The following CALN1 variants were observed in gnomAD, a reference collection of about 807,000 sequenced individuals.
The protein encoded by CALN1 is calneuron 1.
Under a neutral mutation model 30.6 loss-of-function variants are expected in CALN1, and 17 were observed. The ratio of observed to expected loss-of-function variants is 0.56; its 90% confidence interval spans 0.38 to 0.83. The LOEUF (loss-of-function observed/expected upper bound fraction) is 0.83, where lower values mean the gene tolerates loss of function less well. Among genes scored for constraint, CALN1 ranks in the 40% least tolerant of loss-of-function variants. The pLI is 0.00. For missense variants in CALN1, 291 were observed against 354.9 expected, an observed-to-expected ratio of 0.82 and a Z score of 1.45; for synonymous variants, 156 against 131.4, an observed-to-expected ratio of 1.19 and a Z score of -1.28.
At chr7:71,984,611 C>T (rs1798567552) in intron 5 of CALN1, among the ~76,000 whole-genome samples, 1 of 152,142 alleles carries the variant, frequency 6.6e-6, no homozygotes, top group Admixed American at 6.5e-5. Context: ...AATCCTGCCC[C>T]ACCATGTGAA....
intron 3 of CALN1, among the ~76,000 whole-genome samples, chr7:72,119,504 T>A (rs891518186): frequency 7.0e-6 from 1 of 143,326 alleles, no homozygotes; most frequent in Non-Finnish European, 1.5e-5. Context: ...TTGCATTATA[T>A]GGTAAAAGAA....
At chr7:72,281,122 C>T (rs1428652912) in intron 2 of CALN1, among the ~76,000 whole-genome samples, 8 of 151,072 alleles carry the variant, frequency 5.3e-5, no homozygotes, top group African/African-American at 2.0e-4. Context: ...CCAGCCTGGG[C>T]AACAAGAGCG....
rs985242177 is a variant in CALN1 at position 72,037,182 on chromosome 7, G to A, written c.389-13413C>T. Among the ~76,000 whole-genome samples, 7 of 151,186 alleles carry A rather than the reference G, an allele frequency of 4.6e-5. No homozygotes were observed. In the East Asian group the frequency reaches 5.9e-4, roughly 13 times the overall value. On this transcript the variant is annotated intron_variant, in intron 4 of 6. Transcript: ENST00000395275. The stretch of plus-strand genomic sequence containing the variant: ...TTTTTTTTTTTTGAGACGCAGTCTC[G>A]CACTGTCACCCAGGCTGGAGTGCAA...
intron 1 of CALN1, among the ~76,000 whole-genome samples, chr7:72,408,546 A>G (rs1356102130): frequency 6.6e-6 from 1 of 152,146 alleles, no homozygotes; most frequent in Non-Finnish European, 1.5e-5. Context: ...GACAAAACCA[A>G]CAAGGCCCTG....
intron 3 of CALN1, among the ~76,000 whole-genome samples, chr7:72,248,831 T>TC (rs71531797): frequency 1.3e-5 from 2 of 152,022 alleles, no homozygotes; most frequent in Admixed American, 6.6e-5. Flanking sequence ...ATTTTTTTTT[T>TC]CAAAAATATA....
At chr7:72,216,864 G>C (rs373942571) in intron 3 of CALN1, among the ~76,000 whole-genome samples, 13 of 152,206 alleles carry the variant, frequency 8.5e-5, no homozygotes, top group African/African-American at 3.1e-4. Flanking sequence ...TGATCCTCCT[G>C]CCTCAGCCTC....
intron 2 of CALN1, among the ~76,000 whole-genome samples, chr7:72,344,126 A>C (rs1220348679): frequency 6.6e-6 from 1 of 152,000 alleles, no homozygotes; most frequent in East Asian, 1.9e-4. Context: ...AAAGGAAGAG[A>C]GAGACAGGGA....
intron 2 of CALN1, among the ~76,000 whole-genome samples, chr7:72,321,518 G>A (rs551702371): frequency 1.3e-5 from 2 of 152,260 alleles, no homozygotes; most frequent in African/African-American, 4.8e-5. Flanking sequence ...AATCGTAAAC[G>A]TAATTGTTTT....
chr7:72,442,214 C>T (rs1039731495), intron 1 of CALN1, among the ~76,000 whole-genome samples: 4 of 152,202 alleles, frequency 2.6e-5, no homozygotes, highest in Admixed American at 1.3e-4. Context: ...CCTAGCTGAC[C>T]TTCCTGTTCC....
intron 2 of CALN1, among the ~76,000 whole-genome samples, chr7:72,353,688 G>C (rs1456136553): frequency 1.3e-5 from 2 of 152,114 alleles, no homozygotes; most frequent in Non-Finnish European, 2.9e-5. Flanking sequence ...ACATTTGTTG[G>C]AGGCTCCAGC....
At chr7:72,023,371 T>C (rs550043663) in intron 5 of CALN1, among the ~76,000 whole-genome samples, 1 of 152,292 alleles carries the variant, frequency 6.6e-6, no homozygotes, top group Admixed American at 6.5e-5. Flanking sequence ...AATATCAGTG[T>C]GCCCCTTTGA....
At chr7:72,208,920 G>GA (rs562605869) in intron 3 of CALN1, among the ~76,000 whole-genome samples, 170 of 152,154 alleles carry the variant, frequency 1.1e-3, no homozygotes, top group African/African-American at 3.8e-3. Context: ...CCAGGACTCA[G>GA]AAATTCCAGT....
intron 2 of CALN1, among the ~76,000 whole-genome samples, chr7:72,387,610 AC>A (rs1157948804): frequency 6.6e-6 from 1 of 152,038 alleles, no homozygotes; most frequent in South Asian, 2.1e-4. Flanking sequence ...TACACCCATC[AC>A]CCCAGTCTAA....
In CALN1 at chr7:71,979,345, G is replaced by A. The variant is rs185977974; in HGVS notation, c.501+44312C>T. On this transcript the variant is annotated intron_variant, in intron 5 of 6. Coordinates refer to ENST00000395275, the MANE Select transcript of CALN1 (RefSeq NM_031468.4). Reference sequence around the variant, plus strand: ...TACATCTCATCATAATGTAAAATCAGTGGGAGCCCTGGGCTTGTTTCCCTG... The same window carrying A: ...TACATCTCATCATAATGTAAAATCAATGGGAGCCCTGGGCTTGTTTCCCTG... 2.5e-3 allele frequency among the ~76,000 whole-genome samples: 381 copies of A among 152,270 alleles called. 2 individuals are homozygous for A. The highest frequency in any genetic ancestry group is 3.6e-3 in the Non-Finnish European group (245 of 68,010).
the CALN1 span, among the ~76,000 whole-genome samples, chr7:72,503,151 A>C: frequency 1.3e-4 from 20 of 152,280 alleles, no homozygotes; most frequent in Admixed American, 1.0e-3. Flanking sequence ...ATCTCAAAAA[A>C]AGAAAAAAAA....
chr7:71,833,778 TG>T (rs1789432561), intron 5 of CALN1, among the ~76,000 whole-genome samples: 1 of 151,950 alleles, frequency 6.6e-6, no homozygotes, highest in South Asian at 2.1e-4. Context: ...CTGGGTTTAG[TG>T]GTACAGGCCT....
rs113601369 is a variant in CALN1, at chr7:72,217,964, T to C, written c.244+60722A>G. 3.0e-3 allele frequency among the ~76,000 whole-genome samples: 416 copies of C among 139,362 alleles called. 2 individuals are homozygous for C. Among genetic ancestry groups the C allele is most frequent in the African/African-American group, 0.011 (394 of 37,488 alleles). The allele number at this position is 139,362 out of a possible 152,430, so 91.4% of individuals were successfully genotyped here. On this transcript the variant is annotated intron_variant, in intron 3 of 6. Coordinates refer to ENST00000395275, the MANE Select transcript of CALN1 (RefSeq NM_031468.4). ...TTCACGCCATTCTCCTGCCTCAGCC[T>C]CCCGAGTAGCTGGGACTACAGGTGC...
intron 2 of CALN1, among the ~76,000 whole-genome samples, chr7:72,373,705 T>G (rs2129560445): frequency 6.6e-6 from 1 of 152,328 alleles, no homozygotes; most frequent in Non-Finnish European, 1.5e-5. Context: ...TAAGGTTGGT[T>G]TATCAGGATG....
At chr7:72,404,522 G>C (rs1806569649) in intron 1 of CALN1, among the ~76,000 whole-genome samples, 1 of 152,184 alleles carries the variant, frequency 6.6e-6, no homozygotes, top group African/African-American at 2.4e-5. Context: ...CATGGATCAG[G>C]GCCCCATCTG....
Sources: gnomAD v4.1 joint callset for allele counts (sites outside exome capture counted in the v4.1 genomes callset) on GRCh38, gnomAD v4.1.1 for gene constraint, MANE v1.5 for transcripts, NCBI Gene and HGNC (gene_info 2026-07-23, HGNC 2026-07-21) for gene names.